Variants in NXPE2 observed in about 807,000 individuals in gnomAD.
The protein encoded by NXPE2 is NXPE family member 2.
In NXPE2, 34 loss-of-function variants were observed where a neutral mutation model predicts 34.4. The observed-to-expected ratio is 0.99, with a 90% CI of 0.75 to 1.31. The LOEUF (loss-of-function observed/expected upper bound fraction) is 1.31. Among genes scored for constraint, NXPE2 ranks in the 40% most tolerant of loss-of-function variants. The pLI, the probability that NXPE2 is intolerant of heterozygous loss-of-function variation, is 0.00. For missense variants in NXPE2, 649 were observed against 672.5 expected (o/e 0.97, Z 0.39); for synonymous variants, 235 against 231.3 (o/e 1.02, Z -0.15).
intron 1 of NXPE2, 139 bp downstream of exon 1, chr11:114,678,740 A>C: frequency 3.1e-6 from 2 of 636,246 alleles, no homozygotes. Flanking sequence ...GCATAAAAAT[A>C]CTTTTAAAAT....
the NXPE2 span, among the ~76,000 whole-genome samples, chr11:114,473,451 C>T: frequency 0.29 from 44,438 of 152,002 alleles, 6,578 homozygotes; most frequent in East Asian, 0.37. Flanking sequence ...ATTTACTTTT[C>T]GCTAGGGCAT....
chr11:114,572,248 A>T, the NXPE2 span, among the ~76,000 whole-genome samples: 348 of 152,258 alleles, frequency 2.3e-3, no homozygotes, highest in Non-Finnish European at 4.1e-3. Flanking sequence ...CTTCCCTCTG[A>T]CATGTCTACC....
the NXPE2 span, among the ~76,000 whole-genome samples, chr11:114,527,471 A>G: frequency 9.2e-5 from 14 of 152,332 alleles, no homozygotes; most frequent in African/African-American, 3.4e-4. Flanking sequence ...AATTGCATCA[A>G]CTAAATGTTA....
chr11:114,500,061 A>G, the NXPE2 span, among the ~76,000 whole-genome samples: 1 of 151,412 alleles, frequency 6.6e-6, no homozygotes, highest in African/African-American at 2.4e-5. Context: ...TTTGGCTATT[A>G]TGCATAAAGT....
chr11:114,805,147 A>G, the NXPE2 span, among the ~76,000 whole-genome samples: 10 of 151,874 alleles, frequency 6.6e-5, no homozygotes, highest in Non-Finnish European at 1.2e-4. Flanking sequence ...TCTCTCCCAC[A>G]GGCTAAACAA....
At chr11:114,475,236 T>TG in the NXPE2 span, among the ~76,000 whole-genome samples, 1 of 53,438 alleles carries the variant, frequency 1.9e-5, no homozygotes, top group Non-Finnish European at 3.2e-5. Context: ...GTTTTTTTTT[T>TG]TTTTTTTTTT....
At chr11:114,475,613 A>G in the NXPE2 span, among the ~76,000 whole-genome samples, 2 of 151,964 alleles carry the variant, frequency 1.3e-5, no homozygotes, top group Admixed American at 6.6e-5. Context: ...TCGCTCATTT[A>G]TGTCCTTAAG....
At chr11:114,595,767 G>A in the NXPE2 span, 1 of 152,306 alleles carries the variant, frequency 6.6e-6, no homozygotes, top group Non-Finnish European at 1.5e-5. Context: ...CCTTCTGCTT[G>A]TTTCAGCTAA....
At chr11:114,548,010 A>G in the NXPE2 span, among the ~76,000 whole-genome samples, 1 of 152,140 alleles carries the variant, frequency 6.6e-6, no homozygotes, top group Admixed American at 6.6e-5. Flanking sequence ...TCAGAGATTG[A>G]ACAATTAAAT....
the NXPE2 span, among the ~76,000 whole-genome samples, chr11:114,763,226 C>G: frequency 6.6e-6 from 1 of 152,072 alleles, no homozygotes; most frequent in Non-Finnish European, 1.5e-5. Context: ...CCCTCAGCAC[C>G]CTGTCCTTTC....
At chr11:114,707,945 G>A (rs1260591853), downstream of NXPE2, among the ~76,000 whole-genome samples, 1 of 152,146 alleles carries the variant, frequency 6.6e-6, no homozygotes, top group African/African-American at 2.4e-5. Context: ...TTCATTTGTT[G>A]ATCGACATTT....
intron 3 of NXPE2, among the ~76,000 whole-genome samples, chr11:114,699,665 T>C (rs1004502128): frequency 1.3e-5 from 2 of 152,184 alleles, no homozygotes; most frequent in Non-Finnish European, 2.9e-5. Flanking sequence ...TCCTATATTT[T>C]TCCTTAGCAT....
chr11:114,599,614 G>A, the NXPE2 span, among the ~76,000 whole-genome samples: 1 of 152,176 alleles, frequency 6.6e-6, no homozygotes, highest in African/African-American at 2.4e-5. Context: ...GGTAGCTTCT[G>A]CTTCTGGGAA....
the NXPE2 span, among the ~76,000 whole-genome samples, chr11:114,642,640 C>A: frequency 6.6e-6 from 1 of 152,100 alleles, no homozygotes; most frequent in African/African-American, 2.4e-5. Flanking sequence ...ACATGTGCCA[C>A]ATCTTCTTTA....
At chr11:114,591,169 A>T in the NXPE2 span, among the ~76,000 whole-genome samples, 4 of 152,328 alleles carry the variant, frequency 2.6e-5, no homozygotes, top group East Asian at 7.7e-4. Flanking sequence ...TGTTATTGAA[A>T]GTGCACCTCT....
chr11:114,804,380 G>T, the NXPE2 span, among the ~76,000 whole-genome samples: 5 of 152,206 alleles, frequency 3.3e-5, no homozygotes, highest in Non-Finnish European at 7.3e-5. Flanking sequence ...ATGGTCTGCA[G>T]TCTTATCTTT....
chr11:114,691,676 C>A (rs1439287904), intron 2 of NXPE2, among the ~76,000 whole-genome samples: 1 of 152,206 alleles, frequency 6.6e-6, no homozygotes, highest in Non-Finnish European at 1.5e-5. Context: ...TGAGAGATGA[C>A]CTCCTCTCCA....
At chr11:114,691,397 A>T (rs1951146346) in intron 2 of NXPE2, among the ~76,000 whole-genome samples, 1 of 151,742 alleles carries the variant, frequency 6.6e-6, no homozygotes, top group East Asian at 1.9e-4. Flanking sequence ...GCTTTCTCAG[A>T]TATTGCTTTT....
the NXPE2 span, among the ~76,000 whole-genome samples, chr11:114,608,559 G>A: frequency 9.3e-5 from 14 of 150,792 alleles, no homozygotes; most frequent in African/African-American, 2.9e-4. Flanking sequence ...TTGTTGCATC[G>A]TGTGTATCCA....
Sources: allele counts gnomAD v4.1 joint callset (sites outside exome capture counted in the v4.1 genomes callset), GRCh38; gene constraint gnomAD v4.1.1; transcripts MANE v1.5; gene names NCBI Gene and HGNC (gene_info 2026-07-23, HGNC 2026-07-21).